CDK19: variants seen among roughly 807,000 people sequenced by gnomAD.
CDK19 encodes cyclin dependent kinase 19.
CDK19 carries 20 observed loss-of-function variants against 68.3 expected under a neutral mutation model. That is an observed-to-expected ratio of 0.29 (90% CI 0.21 to 0.43). The LOEUF is 0.43. Ranked by LOEUF, CDK19 falls within the 20% of genes least tolerant of loss-of-function variation. CDK19 has a pLI of 1.00. For synonymous variants in CDK19, 221 were observed against 222.8 expected (o/e 0.99, Z 0.07); for missense variants, 339 against 623.5 (o/e 0.54, Z 4.86).
At chr6:110,763,712 G>A (rs1779386449) in intron 1 of CDK19, among the ~76,000 whole-genome samples, 1 of 152,160 alleles carries the variant, frequency 6.6e-6, no homozygotes. Flanking sequence ...GCCACGCCCA[G>A]CCTGCTCTCA....
chr6:110,765,461 G>C (rs768418461), intron 1 of CDK19, among the ~76,000 whole-genome samples: 4 of 151,756 alleles, frequency 2.6e-5, no homozygotes, highest in African/African-American at 4.8e-5. Context: ...GGTGGATCAC[G>C]AGGTCAGGAG....
rs548193452 is a variant in CDK19, at chr6:110,792,393, A to G, written c.128+22616T>C. 3.3e-5 allele frequency among the ~76,000 whole-genome samples: 5 copies of G among 151,828 alleles called. No individual in the cohort carries two copies. In the South Asian group the frequency reaches 1.0e-3, roughly 32 times the overall value. ...ACCAATTTTTCTTTCCTAATATAAT[A>G]AACTTTTTTTGTTGTTGTCTTGCTC... On this transcript the variant is annotated intron_variant, in intron 1 of 12. Transcript: ENST00000368911.
At chr6:110,705,798 GAACA>G (rs1194659787) in intron 2 of CDK19, among the ~76,000 whole-genome samples, 1 of 152,196 alleles carries the variant, frequency 6.6e-6, no homozygotes, top group Non-Finnish European at 1.5e-5. Context: ...AGTGAGAGTT[GAACA>G]ATGAGAACAT....
intron 2 of CDK19, among the ~76,000 whole-genome samples, chr6:110,719,993 CCCT>C (rs2114736182): frequency 2.4e-5 from 3 of 126,210 alleles, no homozygotes; most frequent in African/African-American, 8.7e-5. Context: ...CCCACCCCCC[CCCT>C]GCTTCGGCCT....
chr6:110,734,520 G>GCTCGCTCTCTCTCTCTCTCTCTCTCTCT (rs991736850), intron 2 of CDK19, among the ~76,000 whole-genome samples: 22 of 85,780 alleles, frequency 2.6e-4, no homozygotes, highest in East Asian at 1.4e-3. Context: ...GGTGAGCACT[G>GCTCGCTCTCTCTCTCTCTCTCTCTCTCT]CTCTCTCTCT....
intron 1 of CDK19, among the ~76,000 whole-genome samples, chr6:110,774,582 T>C (rs1182568510): frequency 6.6e-6 from 1 of 152,208 alleles, no homozygotes; most frequent in African/African-American, 2.4e-5. Flanking sequence ...TTTAATATTT[T>C]CAGACCACAA....
At chr6:110,685,157 C>T (rs1338103209) in intron 2 of CDK19, among the ~76,000 whole-genome samples, 2 of 151,988 alleles carry the variant, frequency 1.3e-5, no homozygotes, top group African/African-American at 4.8e-5. Context: ...GAAAAGAAAA[C>T]CTTATAACCA....
At chr6:110,777,697 G>A (rs893633419) in intron 1 of CDK19, among the ~76,000 whole-genome samples, 17 of 152,346 alleles carry the variant, frequency 1.1e-4, no homozygotes, top group South Asian at 2.1e-4. Context: ...CTATACCCAT[G>A]TTTGTAGCAC....
chr6:110,716,991 G>A (rs1272784206), intron 2 of CDK19, among the ~76,000 whole-genome samples: 1 of 152,124 alleles, frequency 6.6e-6, no homozygotes, highest in African/African-American at 2.4e-5. Context: ...AATTAGCTGG[G>A]CATGGTGGCA....
chr6:110,660,602 A>T (rs1375993951), intron 4 of CDK19, among the ~76,000 whole-genome samples: 2 of 150,128 alleles, frequency 1.3e-5, no homozygotes, highest in Non-Finnish European at 3.0e-5. Context: ...CTCAGCAGGA[A>T]GGGGAGCTGA....
intron 1 of CDK19, among the ~76,000 whole-genome samples, chr6:110,769,729 C>G (rs1779873166): frequency 6.6e-6 from 1 of 152,006 alleles, no homozygotes; most frequent in Non-Finnish European, 1.5e-5. Flanking sequence ...TCCATTTAAT[C>G]TCATCTTTCT....
intron 2 of CDK19, among the ~76,000 whole-genome samples, chr6:110,670,950 C>T (rs1770956496): frequency 6.6e-6 from 1 of 152,062 alleles, no homozygotes; most frequent in African/African-American, 2.4e-5. Flanking sequence ...GGAGGCAGGA[C>T]TCATGTATTA....
At chr6:110,748,090 T>C (rs1778203816) in intron 1 of CDK19, among the ~76,000 whole-genome samples, 1 of 152,234 alleles carries the variant, frequency 6.6e-6, no homozygotes. Context: ...CACATGAAAC[T>C]ATAATTTTTT....
intron 1 of CDK19, among the ~76,000 whole-genome samples, chr6:110,752,834 TG>T (rs1191704811): frequency 6.6e-6 from 1 of 151,838 alleles, no homozygotes; most frequent in Non-Finnish European, 1.5e-5. Context: ...CCCAAAGTAC[TG>T]GAATTACAAG....
intron 2 of CDK19, among the ~76,000 whole-genome samples, chr6:110,687,320 T>C (rs1225991161): frequency 6.6e-6 from 1 of 152,186 alleles, no homozygotes; most frequent in Non-Finnish European, 1.5e-5. Context: ...CCAAGGGTTT[T>C]AATTATTAAT....
At chr6:110,645,959 C>T (rs764928535) in intron 4 of CDK19, 3 of 1,161,714 alleles carry the variant, frequency 2.6e-6, no homozygotes, top group Non-Finnish European at 3.7e-6. Flanking sequence ...ACCGCGAGGG[C>T]TTCTACAACG....
chr6:110,810,957 T>C (rs1455980992), intron 1 of CDK19, among the ~76,000 whole-genome samples: 1 of 152,078 alleles, frequency 6.6e-6, no homozygotes, highest in Non-Finnish European at 1.5e-5. Context: ...AGACTGGAGG[T>C]AAGATGGCCT....
At chr6:110,792,786 T>C (rs1160843369) in intron 1 of CDK19, among the ~76,000 whole-genome samples, 1 of 152,244 alleles carries the variant, frequency 6.6e-6, no homozygotes, top group Non-Finnish European at 1.5e-5. Flanking sequence ...CTGACTATAA[T>C]TTTTACTCAA....
chr6:110,624,229 T>G (rs1356041583), intron 8 of CDK19, among the ~76,000 whole-genome samples: 4 of 152,036 alleles, frequency 2.6e-5, no homozygotes, highest in African/African-American at 9.7e-5. Flanking sequence ...GAGTCTACCC[T>G]CTGGGAGGGA....
Sources: allele counts gnomAD v4.1 joint callset (sites outside exome capture counted in the v4.1 genomes callset), GRCh38; gene constraint gnomAD v4.1.1; transcripts MANE v1.5; gene names NCBI Gene and HGNC (gene_info 2026-07-23, HGNC 2026-07-21).